GRIN2A: variants seen among roughly 807,000 people sequenced by gnomAD.
The protein encoded by GRIN2A is glutamate ionotropic receptor NMDA type subunit 2A, also known as glutamate receptor ionotropic, NMDA 2A.
Under a neutral mutation model 113.4 loss-of-function variants are expected in GRIN2A, and 22 were observed. The ratio of observed to expected loss-of-function variants is 0.19; its 90% CI spans 0.14 to 0.28. The LOEUF is 0.28. Ranked by LOEUF, GRIN2A falls within the 10% of genes least tolerant of loss-of-function variation. The pLI, the probability that GRIN2A is intolerant of heterozygous loss-of-function variation, is 1.00. For missense variants in GRIN2A, 1,502 were observed against 1,887.0 expected, an observed-to-expected ratio of 0.80 and a Z score of 3.78; for synonymous variants, 827 against 738.4, an observed-to-expected ratio of 1.12 and a Z score of -1.94.
At chr16:9,898,636 C>T (rs965749225) in intron 3 of GRIN2A, among the ~76,000 whole-genome samples, 23 of 152,260 alleles carry the variant, frequency 1.5e-4, no homozygotes, top group Admixed American at 3.9e-4. Flanking sequence ...TTCCCAGGGA[C>T]GTTTCCTGGA....
At position 10,135,021 on chromosome 16, in the gene GRIN2A, C is replaced by T. The variant is rs1042682395; in HGVS notation, c.414+44977G>A. The stretch of plus-strand genomic sequence containing the variant: ...CCTAATTTTAGCATCTTTTGCAATC[C>T]AGATAGGCTGAGAATTTCCCAAGTC... On this transcript the variant is annotated intron_variant, in intron 2 of 12. Coordinates refer to ENST00000330684, the MANE Select transcript of GRIN2A (RefSeq NM_001134407.3). Among the ~76,000 whole-genome samples, 52 of 152,246 alleles carry T rather than the reference C, an allele frequency of 3.4e-4. No individual in the cohort carries two copies. In the Middle Eastern group the frequency reaches 0.017, roughly 50 times the overall value.
intron 2 of GRIN2A, among the ~76,000 whole-genome samples, chr16:10,153,441 G>C (rs967554476): frequency 1.3e-5 from 2 of 152,158 alleles, no homozygotes; most frequent in South Asian, 2.1e-4. Flanking sequence ...AATCTGGACA[G>C]TGATGAAGTC....
chr16:9,931,880 A>G (rs2044602056), intron 3 of GRIN2A, among the ~76,000 whole-genome samples: 1 of 152,220 alleles, frequency 6.6e-6, no homozygotes, highest in African/African-American at 2.4e-5. Context: ...CACAAACTTA[A>G]TGCTTTGCAT....
rs3831730 is a variant in GRIN2A at position 9,854,992 on chromosome 16, T to TTGTG, written c.1123-5035_1123-5032dup. 9.5e-3 allele frequency among the ~76,000 whole-genome samples: 1,401 copies of TTGTG among 147,632 alleles called. 8 individuals are homozygous for TTGTG. The highest frequency in any genetic ancestry group is 0.028 in the Middle Eastern group (8 of 288). On this transcript the variant is annotated intron_variant, in intron 4 of 12. Transcript: ENST00000330684. ...ACACAACCAGGACAGGCAAGCACGC[T>TTGTG]TGTGTGTGTGTGTGTGTGTGTGTGT...
intron 3 of GRIN2A, among the ~76,000 whole-genome samples, chr16:9,931,204 TAC>T (rs1438574590): frequency 1.3e-5 from 2 of 152,156 alleles, no homozygotes; most frequent in Non-Finnish European, 2.9e-5. Flanking sequence ...ACACAGAACA[TAC>T]AGTTGTAATT....
chr16:10,124,227 G>A (rs549890401), intron 2 of GRIN2A, among the ~76,000 whole-genome samples: 11 of 152,274 alleles, frequency 7.2e-5, no homozygotes, highest in South Asian at 4.2e-4. Context: ...GGAAAAAAGA[G>A]CACAGGTCAG....
At chr16:10,147,636 CAAAA>C (rs35925963) in intron 2 of GRIN2A, among the ~76,000 whole-genome samples, 7 of 118,576 alleles carry the variant, frequency 5.9e-5, no homozygotes, top group Admixed American at 1.7e-4. Context: ...GGCCCTGTCT[CAAAA>C]AAAAAAAAAA....
At chr16:9,978,681 C>T (rs1201873401) in intron 2 of GRIN2A, among the ~76,000 whole-genome samples, 1 of 152,150 alleles carries the variant, frequency 6.6e-6, no homozygotes, top group African/African-American at 2.4e-5. Flanking sequence ...AAAATTCCTC[C>T]AGAAGGATTT....
intron 3 of GRIN2A, 61 bp downstream of exon 3, chr16:9,937,898 G>T: frequency 8.3e-7 from 1 of 1,198,168 alleles, no homozygotes; most frequent in Non-Finnish European, 1.2e-6. Context: ...ATGTAAGCAA[G>T]CAAACAATGA....
At chr16:10,057,185 C>G (rs1486992127) in intron 2 of GRIN2A, among the ~76,000 whole-genome samples, 1 of 152,176 alleles carries the variant, frequency 6.6e-6, no homozygotes, top group African/African-American at 2.4e-5. Flanking sequence ...GCTAAGTGTA[C>G]AATGGCGACA....
chr16:9,884,591 C>T lies in GRIN2A; in HGVS notation c.1122+6395G>A, dbSNP rs78300924. On this transcript the variant is annotated intron_variant, in intron 4 of 12. Coordinates refer to ENST00000330684, the MANE Select transcript of GRIN2A (RefSeq NM_001134407.3). ...AATAAAATAAACAAAGCTACTATAA[C>T]CCTAAAATGGTAACCAGAATTATTC... Among the ~76,000 whole-genome samples, 39 of 151,888 alleles carry T rather than the reference C, an allele frequency of 2.6e-4. 1 individual carries two copies. In the East Asian group the frequency reaches 6.8e-3, roughly 26 times the overall value.
At chr16:9,963,434 C>T (rs2045482741) in intron 2 of GRIN2A, among the ~76,000 whole-genome samples, 1 of 151,766 alleles carries the variant, frequency 6.6e-6, no homozygotes, top group Non-Finnish European at 1.5e-5. Context: ...CCTCCTCTTG[C>T]CCCCCACCCC....
intron 4 of GRIN2A, among the ~76,000 whole-genome samples, chr16:9,852,263 C>T (rs757811970): frequency 2.0e-5 from 3 of 152,214 alleles, no homozygotes; most frequent in Non-Finnish European, 4.4e-5. Flanking sequence ...TGCTTTCTCG[C>T]TATGTACAGT....
At chr16:9,832,513 A>G (rs1231099250) in intron 8 of GRIN2A, among the ~76,000 whole-genome samples, 2 of 152,020 alleles carry the variant, frequency 1.3e-5, no homozygotes, top group Admixed American at 1.3e-4. Flanking sequence ...GTGTGTCTAC[A>G]TGTTATTTTC....
At chr16:10,069,514 A>G (rs565455179) in intron 2 of GRIN2A, among the ~76,000 whole-genome samples, 6 of 152,346 alleles carry the variant, frequency 3.9e-5, no homozygotes, top group Admixed American at 1.3e-4. Context: ...AGTCCCCCAC[A>G]GCCAGTGGAT....
At chr16:10,139,600 C>G (rs996718966) in intron 2 of GRIN2A, among the ~76,000 whole-genome samples, 1 of 152,154 alleles carries the variant, frequency 6.6e-6, no homozygotes, top group Admixed American at 6.5e-5. Flanking sequence ...TCCAGTGTTT[C>G]CAGACTTTCT....
chr16:10,178,932 G>A (rs138334909), intron 2 of GRIN2A, among the ~76,000 whole-genome samples: 87 of 152,274 alleles, frequency 5.7e-4, no homozygotes, highest in African/African-American at 2.0e-3. Context: ...CTCTTTCCTC[G>A]CCTTCTGAAC....
At chr16:9,899,813 G>C (rs1216030497) in intron 3 of GRIN2A, among the ~76,000 whole-genome samples, 3 of 152,170 alleles carry the variant, frequency 2.0e-5, no homozygotes, top group Non-Finnish European at 4.4e-5. Context: ...GAATGAGCAG[G>C]CATAGGTCTC....
At chr16:10,149,164 A>G (rs566044396) in intron 2 of GRIN2A, among the ~76,000 whole-genome samples, 1 of 152,348 alleles carries the variant, frequency 6.6e-6, no homozygotes, top group African/African-American at 2.4e-5. Context: ...TGAATGCACA[A>G]GAGAGTGACT....
Sources: allele counts gnomAD v4.1 joint callset (sites outside exome capture counted in the v4.1 genomes callset), GRCh38; gene constraint gnomAD v4.1.1; transcripts MANE v1.5; gene names NCBI Gene and HGNC (gene_info 2026-07-23, HGNC 2026-07-21).